The following ZNF496 variants were observed in gnomAD, a reference collection of about 807,000 sequenced individuals.
The protein encoded by ZNF496 is NSD1 (nuclear receptor binding SET-domain containing 1)-interacting zinc finger protein 1.
Under a neutral mutation model 58.9 loss-of-function variants are expected in ZNF496, and 11 were observed. That is an observed-to-expected ratio of 0.19 (90% CI 0.12 to 0.31). ZNF496 has a LOEUF of 0.31. ZNF496 is among the 10% of genes least tolerant of loss of function. ZNF496 has a pLI of 1.00. For missense variants in ZNF496, 660 were observed against 783.0 expected (o/e 0.84, Z 1.88); for synonymous variants, 338 against 318.2 (o/e 1.06, Z -0.66).
rs1224289443 is a variant in ZNF496 at position 247,300,634 on chromosome 1, G to C, written c.1649C>G (p.Ala550Gly). The C allele has an allele frequency of 6.2e-7, 1 of 1,614,184 alleles. No homozygotes were observed. Among genetic ancestry groups the C allele is most frequent in the Admixed American group, 1.7e-5 (1 of 60,036 alleles). ...GCAGTACCGGCACTGGAAGGGCCGG[G>C]CTTTGTCCTTCAGGTGAAAGTGGCT... is the stretch of plus-strand genomic sequence containing the variant. ...HRSHFHLKDK[A>G]RPFQCRYCVK... Residue 550 changes from alanine (A) to glycine (G), a missense_variant, in exon 10 of 10, where the codon GCC becomes GGC. Transcript: ENST00000682384. This position sits in a 1 kb window ranked among gnomAD's most constrained non-coding sequence, Gnocchi z 5.7.
chr1:247,305,916 A>AAAAAC (rs765985374), intron 9 of ZNF496, among the ~76,000 whole-genome samples: 109 of 152,344 alleles, frequency 7.2e-4, no homozygotes, highest in Non-Finnish European at 1.3e-3. Context: ...CCCATCTTTA[A>AAAAAC]AAAACAAAAC....
At chr1:247,317,598 T>C (rs1313323874) in intron 6 of ZNF496, among the ~76,000 whole-genome samples, 1 of 151,218 alleles carries the variant, frequency 6.6e-6, no homozygotes, top group African/African-American at 2.5e-5. Flanking sequence ...GTGGAGACCA[T>C]GTAGGGAGCT....
intron 5 of ZNF496, among the ~76,000 whole-genome samples, chr1:247,326,727 A>G (rs894150851): frequency 8.5e-5 from 13 of 152,192 alleles, no homozygotes; most frequent in African/African-American, 3.1e-4. Context: ...ATTTGGAGAT[A>G]GGGTCTTTAA....
rs1253968907 is a variant in ZNF496, at chr1:247,331,655, A to C, written c.-369-8T>G. ...GGGGGCAAATGGAGGCGCCTGAAAA[A>C]CAATGGTGTTGCTTTCTCCCCCGCC... On this transcript the variant is annotated splice_region_variant and splice_polypyrimidine_tract_variant and intron_variant, in intron 1 of 9. Transcript: ENST00000682384. 4.6e-5 allele frequency: 7 copies of C among 152,074 alleles called. No individual in the cohort carries two copies. The highest frequency in any genetic ancestry group is 1.7e-4 in the African/African-American group (7 of 41,406). The allele number at this position is 152,074 out of a possible 1,614,324, so 9.4% of individuals were successfully genotyped here. A position where few individuals can be genotyped will look rare whatever the true frequency, so the allele number is the denominator to read the frequency against.
Position 247,329,693 on chromosome 1 carries a change from T to G in ZNF496, c.-37-78A>C. On this transcript the variant is annotated intron_variant, in intron 3 of 9. Coordinates refer to ENST00000682384, the MANE Select transcript of ZNF496 (RefSeq NM_032752.3). This position sits in a 1 kb window ranked among gnomAD's most constrained non-coding sequence, Gnocchi z 5.5. Reference sequence around the variant, plus strand: ...TTCTGGGGGACAGTGACAAGGAAACTGTCAATGCCCTCAGAGACCAGCCCT... The same window carrying G: ...TTCTGGGGGACAGTGACAAGGAAACGGTCAATGCCCTCAGAGACCAGCCCT... The G allele has an allele frequency of 7.4e-7, 1 of 1,356,504 alleles. No homozygotes were observed. Among genetic ancestry groups the G allele is most frequent in the Non-Finnish European group, 1.0e-6 (1 of 1,004,924 alleles). The allele number at this position is 1,356,504 out of a possible 1,614,324, so 84.0% of individuals were successfully genotyped here.
At position 247,300,446 on chromosome 1, in the gene ZNF496, G is replaced by C; in HGVS notation, c.*73C>G. 2.7e-6 allele frequency: 4 copies of C among 1,485,480 alleles called. No homozygotes were observed. Among genetic ancestry groups the C allele is most frequent in the Non-Finnish European group, 3.6e-6 (4 of 1,109,666 alleles). 92.0% of individuals were successfully genotyped at this position (1,485,480 alleles called of 1,614,324 possible). On this transcript the variant is annotated 3_prime_UTR_variant, in exon 10 of 10. Coordinates refer to ENST00000682384, the MANE Select transcript of ZNF496 (RefSeq NM_032752.3). This position sits in a 1 kb window ranked among gnomAD's most constrained non-coding sequence, Gnocchi z 5.7. ...TCTATCCTGGGGAAGGTATGTCCTG[G>C]GTGGGGGCGCTGATCAGTACCAAGG...
chr1:247,301,055 T>G lies in ZNF496; in HGVS notation c.1228A>C (p.Asn410His). Residue 410 changes from asparagine to histidine, a missense_variant, in exon 10 of 10, where the codon AAC (asparagine) becomes CAC (histidine). By Grantham distance (68) the Asn-to-His change is moderately conservative. Transcript: ENST00000682384. Reference sequence around the variant, plus strand: ...CTCCAGCGGAAGATTTTCCCACAGTTCGGACACACGTAGGACTTCTTGGAG... The same window carrying G: ...CTCCAGCGGAAGATTTTCCCACAGTGCGGACACACGTAGGACTTCTTGGAG... ...QTSKKSYVCP[N>H]CGKIFRWRVN... is the part of the protein sequence containing the mutation. 6.2e-7 allele frequency: 1 copy of G among 1,613,696 alleles called. No homozygotes were observed. The highest frequency in any genetic ancestry group is 8.5e-7 in the Non-Finnish European group (1 of 1,180,038).
intron 6 of ZNF496, among the ~76,000 whole-genome samples, chr1:247,319,236 C>T (rs1230635997): frequency 6.6e-6 from 1 of 152,252 alleles, no homozygotes; most frequent in Non-Finnish European, 1.5e-5. Context: ...AATCCTCCCA[C>T]CTTGGCCTCT....
chr1:247,320,658 G>T lies in ZNF496; in HGVS notation c.651+2496C>A, dbSNP rs184837749. On this transcript the variant is annotated intron_variant, in intron 6 of 9. Coordinates refer to ENST00000682384, the MANE Select transcript of ZNF496 (RefSeq NM_032752.3). Reference sequence around the variant, plus strand: ...CTATTGAGGGTTTAAAAAGTTCACAGGATCTCTCTGTGTTATTTCTTACAA... The same window carrying T: ...CTATTGAGGGTTTAAAAAGTTCACATGATCTCTCTGTGTTATTTCTTACAA... 2.7e-3 allele frequency among the ~76,000 whole-genome samples: 413 copies of T among 152,256 alleles called. 1 individual carries two copies. The highest frequency in any genetic ancestry group is 9.4e-3 in the African/African-American group (389 of 41,534).
In ZNF496 at chr1:247,329,201, T is replaced by G; in HGVS notation, c.378A>C (p.Arg126Ser). 6.2e-7 allele frequency: 1 copy of G among 1,613,310 alleles called. No individual in the cohort carries two copies. The highest frequency in any genetic ancestry group is 8.5e-7 in the Non-Finnish European group (1 of 1,179,982). Residue 126 changes from arginine (R) to serine (S), a missense_variant, in exon 4 of 10, where the codon AGA becomes AGC. Arg to Ser is a moderately radical substitution (Grantham distance 110). Coordinates refer to ENST00000682384, the MANE Select transcript of ZNF496 (RefSeq NM_032752.3). This position sits in a 1 kb window ranked among gnomAD's most constrained non-coding sequence, Gnocchi z 5.5. ...CTCTTCTACTCACCCACTGCCAGGGTCTCCCGGGCTCCCGTTCCAGTGCCT... is the reference window on the plus strand; with the variant it reads ...CTCTTCTACTCACCCACTGCCAGGGGCTCCCGGGCTCCCGTTCCAGTGCCT... ...AVEALEREPG[R>S]PWQWLKHCED...
At chr1:247,302,268 G>A (rs1327968169) in intron 9 of ZNF496, among the ~76,000 whole-genome samples, 2 of 152,142 alleles carry the variant, frequency 1.3e-5, no homozygotes, top group Non-Finnish European at 2.9e-5. Context: ...CTCAGGACAG[G>A]AGAAGTTGGA....
At chr1:247,304,135 C>A in intron 9 of ZNF496, 1 of 383,088 alleles carries the variant, frequency 2.6e-6, no homozygotes, top group South Asian at 2.0e-5. Flanking sequence ...ATAGATCTAT[C>A]TGGCTATGAA....
intron 5 of ZNF496, among the ~76,000 whole-genome samples, chr1:247,326,681 G>T (rs965017994): frequency 6.6e-6 from 1 of 152,160 alleles, no homozygotes; most frequent in Non-Finnish European, 1.5e-5. Context: ...CTATGTTGAA[G>T]CCCTAACCCT....
chr1:247,304,561 A>G (rs1659348395), intron 9 of ZNF496, among the ~76,000 whole-genome samples: 1 of 151,864 alleles, frequency 6.6e-6, no homozygotes, highest in Non-Finnish European at 1.5e-5. Context: ...TAGTAGAGAG[A>G]GGGTTTCCCC....
intron 9 of ZNF496, chr1:247,307,145 A>C (rs927368954): frequency 3.0e-6 from 3 of 985,322 alleles, no homozygotes; most frequent in Admixed American, 6.1e-5. Context: ...AACATCTGGG[A>C]GTGTCCTGCG....
At chr1:247,323,010 C>G in intron 6 of ZNF496, 144 bp downstream of exon 6, 1 of 728,240 alleles carries the variant, frequency 1.4e-6, no homozygotes, top group Non-Finnish European at 2.2e-6. Context: ...CTTAAGCTCA[C>G]GCTCTGCCTA....
At position 247,302,202 on chromosome 1, in the gene ZNF496, A is replaced by G. The variant is rs555854027; in HGVS notation, c.1007-926T>C. ...GGCCCTCCCAGATAAGAGTAGGAAC[A>G]TGGTTAGTCTGGGCTTCATGACTGT... On this transcript the variant is annotated intron_variant, in intron 9 of 9. Coordinates refer to ENST00000682384, the MANE Select transcript of ZNF496 (RefSeq NM_032752.3). 5.9e-5 allele frequency among the ~76,000 whole-genome samples: 9 copies of G among 152,268 alleles called. No homozygotes were observed. In the East Asian group the frequency reaches 1.7e-3, roughly 29 times the overall value.
At chr1:247,305,824 C>T (rs2103017790) in intron 9 of ZNF496, among the ~76,000 whole-genome samples, 1 of 152,320 alleles carries the variant, frequency 6.6e-6, no homozygotes, top group East Asian at 1.9e-4. Flanking sequence ...CGCCTGTAGT[C>T]TCCCCAGCTA....
At chr1:247,331,034 G>GGCCCC (rs575093755) in intron 2 of ZNF496, among the ~76,000 whole-genome samples, 13 of 152,274 alleles carry the variant, frequency 8.5e-5, no homozygotes, top group East Asian at 5.8e-4. Flanking sequence ...GCCCGGGGTG[G>GGCCCC]GCCCCGCCCG....
Sources: allele counts gnomAD v4.1 joint callset (sites outside exome capture counted in the v4.1 genomes callset), GRCh38; gene constraint gnomAD v4.1.1; non-coding constraint Gnocchi (gnomAD v3.1); transcripts MANE v1.5; gene names NCBI Gene and HGNC (gene_info 2026-07-23, HGNC 2026-07-21).